DISC1: variants seen among roughly 807,000 people sequenced by gnomAD.
The protein encoded by DISC1 is DISC1 scaffold protein.
A neutral mutation model predicts 84.5 loss-of-function variants in DISC1; 57 were observed. That is an observed-to-expected ratio of 0.67 (90% CI 0.55 to 0.84). The LOEUF (loss-of-function observed/expected upper bound fraction) is 0.84. Among genes scored for constraint, DISC1 ranks in the 40% least tolerant of loss-of-function variants. The pLI, the probability that DISC1 is intolerant of heterozygous loss-of-function variation, is 0.00. For synonymous variants in DISC1, 411 were observed against 415.2 expected (o/e 0.99, Z 0.12); for missense variants, 1,000 against 1,057.8 (o/e 0.95, Z 0.76).
Position 231,770,824 on chromosome 1 carries a change from A to G in DISC1, c.1399-11A>G. ...TTAATTTATAAAATCTTGTCTCCTC[A>G]TTCTCTACAGAAAGAAATCGAAGCT... On this transcript the variant is annotated splice_polypyrimidine_tract_variant and intron_variant, in intron 5 of 12. Coordinates refer to ENST00000439617, the MANE Select transcript of DISC1 (RefSeq NM_018662.3). 1.9e-6 allele frequency: 3 copies of G among 1,613,340 alleles called. No homozygotes were observed. The highest frequency in any genetic ancestry group is 1.3e-5 in the African/African-American group (1 of 75,042).
At chr1:231,693,800 G>C in intron 1 of DISC1, 26 bp from the exon 2 acceptor site, 1 of 1,612,228 alleles carries the variant, frequency 6.2e-7, no homozygotes, top group South Asian at 1.1e-5. Context: ...GCATGTTTAT[G>C]GTGCTGTTTT....
chr1:231,706,680 C>A (rs1169939628), intron 3 of DISC1, among the ~76,000 whole-genome samples: 1 of 152,198 alleles, frequency 6.6e-6, no homozygotes, highest in African/African-American at 2.4e-5. Context: ...TGTCTCAACT[C>A]ATATCCATTA....
intron 3 of DISC1, among the ~76,000 whole-genome samples, chr1:231,709,353 A>G (rs967692550): frequency 1.1e-4 from 17 of 152,022 alleles, no homozygotes; most frequent in African/African-American, 3.9e-4. Context: ...ATAAAATGTG[A>G]TTTCACGGTG....
chr1:231,750,695 G>A (rs890405853), intron 4 of DISC1: 1 of 625,502 alleles, frequency 1.6e-6, no homozygotes, highest in Middle Eastern at 7.9e-4. Flanking sequence ...GGGAGGCAAG[G>A]GTGGCTCCCA....
chr1:231,694,728 C>A lies in DISC1; in HGVS notation c.970C>A (p.His324Asn). ...GDGSSGSGDAHSWDTLLRKWE... is the reference protein window; with the variant it reads ...GDGSSGSGDANSWDTLLRKWE... ...TGGGAGCAGCGGCTCAGGGGATGCC[C>A]ACTCTTGGGACACCCTGCTCAGGAA... The change falls in exon 2 of 13, where the codon CAC becomes AAC. Residue 324 changes from histidine to asparagine, a missense_variant. Physicochemically the swap from His to Asn is moderately conservative, Grantham distance 68. This residue lies in a region of DISC1 where 311 missense variants were observed against 400.1 expected (regional missense o/e 0.78). Coordinates refer to ENST00000439617, the MANE Select transcript of DISC1 (RefSeq NM_018662.3). 6.2e-7 allele frequency: 1 copy of A among 1,614,150 alleles called. No homozygotes were observed. Among genetic ancestry groups the A allele is most frequent in the East Asian group, 2.2e-5 (1 of 44,884 alleles).
chr1:231,874,805 G>C (rs906009804), intron 9 of DISC1, among the ~76,000 whole-genome samples: 2 of 151,714 alleles, frequency 1.3e-5, no homozygotes, highest in Admixed American at 6.6e-5. Context: ...CAGCTACTCG[G>C]GAGGCTGAGG....
intron 7 of DISC1, 87 bp from the exon 8 acceptor site, chr1:231,800,021 A>T: frequency 2.1e-6 from 2 of 945,628 alleles, no homozygotes; most frequent in Non-Finnish European, 3.4e-6. Context: ...TTACTTACAA[A>T]CCCAGAAATC....
rs1208341864 is a variant in DISC1, at chr1:232,040,909, A to G, written c.*4078A>G. ...TGGGCTGACTTTCTTGAAGATCCTCATCCAATTGGTGTTTTTCAGAAGTGT... is the reference window on the plus strand; with the variant it reads ...TGGGCTGACTTTCTTGAAGATCCTCGTCCAATTGGTGTTTTTCAGAAGTGT... On this transcript the variant is annotated 3_prime_UTR_variant, in exon 13 of 13. Coordinates refer to ENST00000439617, the MANE Select transcript of DISC1 (RefSeq NM_018662.3). 6.6e-6 allele frequency: 1 copy of G among 152,198 alleles called. No individual in the cohort carries two copies. The highest frequency in any genetic ancestry group is 2.4e-5 in the African/African-American group (1 of 41,448). The allele number at this position is 152,198 out of a possible 1,614,324, so 9.4% of individuals were successfully genotyped here.
chr1:231,829,897 G>A (rs1191199420), intron 9 of DISC1, among the ~76,000 whole-genome samples: 1 of 151,988 alleles, frequency 6.6e-6, no homozygotes, highest in Non-Finnish European at 1.5e-5. Flanking sequence ...CAGTGGGGGA[G>A]CTTTTGAGCC....
chr1:231,978,521 A>C (rs562806767), intron 10 of DISC1, among the ~76,000 whole-genome samples: 129 of 152,366 alleles, frequency 8.5e-4, no homozygotes, highest in Non-Finnish European at 1.6e-3. Flanking sequence ...CCATTTGCAG[A>C]ATAGTAACTG....
rs535555925 is a variant in DISC1 at position 231,733,413 on chromosome 1, AGTG to A, written c.1118-16504_1118-16502del. On this transcript the variant is annotated intron_variant, in intron 3 of 12. Transcript: ENST00000439617. ...TGGTAGGAGTACTGGTGACTGTAGA[AGTG>A]GTGGTGGTTGTAGGAATGGTGGTGA... 3.9e-3 allele frequency among the ~76,000 whole-genome samples: 560 copies of A among 144,964 alleles called. 1 individual carries two copies. The highest frequency in any genetic ancestry group is 4.6e-3 in the Admixed American group (68 of 14,798).
chr1:231,712,367 G>A (rs1045923890), intron 3 of DISC1, among the ~76,000 whole-genome samples: 1 of 152,234 alleles, frequency 6.6e-6, no homozygotes, highest in Middle Eastern at 3.4e-3. Context: ...GTGTCAAAGA[G>A]TTACGTTAGC....
At chr1:231,855,211 TA>T in intron 9 of DISC1, 1 of 1,007,066 alleles carries the variant, frequency 9.9e-7, no homozygotes, top group Non-Finnish European at 1.2e-6. Flanking sequence ...CACCTTATTC[TA>T]AGTGTCTTTG....
intron 3 of DISC1, among the ~76,000 whole-genome samples, chr1:231,708,306 C>T (rs1263791946): frequency 6.6e-6 from 1 of 152,172 alleles, no homozygotes; most frequent in African/African-American, 2.4e-5. Context: ...GCAAACTGGT[C>T]TCTCTCTGAG....
chr1:231,901,878 CCTGAATT>C (rs1167534429), intron 9 of DISC1, among the ~76,000 whole-genome samples: 1 of 152,056 alleles, frequency 6.6e-6, no homozygotes, highest in Non-Finnish European at 1.5e-5. Flanking sequence ...TGTATCTTAT[CCTGAATT>C]CTGATTCTAA....
intron 9 of DISC1, among the ~76,000 whole-genome samples, chr1:231,937,292 CTTA>C (rs1228069164): frequency 6.6e-6 from 1 of 152,228 alleles, no homozygotes; most frequent in African/African-American, 2.4e-5. Context: ...AGGACATTAA[CTTA>C]TTAGCCATTC....
At chr1:231,650,203 G>A (rs976247058) in intron 1 of DISC1, among the ~76,000 whole-genome samples, 6 of 152,164 alleles carry the variant, frequency 3.9e-5, no homozygotes, top group Admixed American at 1.3e-4. Context: ...GCTGGTACCC[G>A]TTGTTCCTTT....
intron 9 of DISC1, among the ~76,000 whole-genome samples, chr1:231,910,568 A>G (rs941651358): frequency 7.2e-5 from 11 of 152,056 alleles, no homozygotes; most frequent in African/African-American, 2.7e-4. Context: ...GTTCTTTTAC[A>G]TTTTCTGAGG....
Position 231,762,514 on chromosome 1 carries a change from GTTTTTTT to G in DISC1, c.1269-4616_1269-4610del, listed in dbSNP as rs752334318. 7.6e-5 allele frequency among the ~76,000 whole-genome samples: 4 copies of G among 52,846 alleles called. No homozygotes were observed. In the South Asian group the frequency reaches 1.9e-3, roughly 25 times the overall value. The allele number at this position is 52,846 out of a possible 152,430, so 34.7% of individuals were successfully genotyped here. ...TGTGCCTAATTTTTAGTTTTGTTTT[GTTTTTTT>G]TTTTTTTTTGGTAGAGATAAGGTCT... On this transcript the variant is annotated intron_variant, in intron 4 of 12. Transcript: ENST00000439617.
Sources: allele counts gnomAD v4.1 joint callset (sites outside exome capture counted in the v4.1 genomes callset), GRCh38; gene constraint gnomAD v4.1.1; regional missense constraint gnomAD v4.1.1; transcripts MANE v1.5; gene names NCBI Gene and HGNC (gene_info 2026-07-23, HGNC 2026-07-21).